The following WSCD2 variants were observed in gnomAD, a reference collection of about 807,000 sequenced individuals.
WSCD2 encodes the protein WSC domain sialate O sulfotransferase 2.
WSCD2 carries 28 observed loss-of-function variants against 55.7 expected under a neutral mutation model. The ratio of observed to expected loss-of-function variants is 0.50; its 90% CI spans 0.37 to 0.69. WSCD2 has a LOEUF of 0.69. WSCD2 is among the 30% of genes least tolerant of loss of function. The pLI, the probability that WSCD2 is intolerant of heterozygous loss-of-function variation, is 0.00. For missense variants in WSCD2, 616 were observed against 762.1 expected, an observed-to-expected ratio of 0.81 and a Z score of 2.26; for synonymous variants, 301 against 301.9, an observed-to-expected ratio of 1.00 and a Z score of 0.03.
At chr12:108,157,324 T>TA (rs1878622977) in intron 1 of WSCD2, among the ~76,000 whole-genome samples, 1 of 152,184 alleles carries the variant, frequency 6.6e-6, no homozygotes, top group African/African-American at 2.4e-5. Context: ...CCAATATTGA[T>TA]ACATTATTAT....
chr12:108,223,142 A>G (rs1051441048), intron 4 of WSCD2, among the ~76,000 whole-genome samples: 1 of 152,246 alleles, frequency 6.6e-6, no homozygotes, highest in Admixed American at 6.5e-5. Flanking sequence ...CATTTCCTCT[A>G]CTTAAGGTCA....
chr12:108,236,117 A>T (rs2137210420), intron 7 of WSCD2, among the ~76,000 whole-genome samples: 1 of 152,278 alleles, frequency 6.6e-6, no homozygotes, highest in Middle Eastern at 3.4e-3. Flanking sequence ...CTGTACAATG[A>T]GCTGATCCCC....
At chr12:108,180,050 C>CACAAAAAAAA (rs1881480125) in intron 1 of WSCD2, among the ~76,000 whole-genome samples, 1 of 116,674 alleles carries the variant, frequency 8.6e-6, no homozygotes, top group Non-Finnish European at 1.8e-5. Context: ...CTCAAAAAAA[C>CACAAAAAAAA]AAAAAAAAAA....
At chr12:108,160,010 T>C (rs1011982527) in intron 1 of WSCD2, among the ~76,000 whole-genome samples, 3 of 152,138 alleles carry the variant, frequency 2.0e-5, no homozygotes, top group Non-Finnish European at 4.4e-5. Flanking sequence ...TTAGACACGG[T>C]ATGATAGCAC....
chr12:108,154,115 G>C (rs1404528423), intron 1 of WSCD2, among the ~76,000 whole-genome samples: 2 of 152,226 alleles, frequency 1.3e-5, no homozygotes, highest in African/African-American at 4.8e-5. Context: ...TGTCCTCAGA[G>C]TGGGTAGATG....
At chr12:108,173,199 C>T (rs1880413570) in intron 1 of WSCD2, among the ~76,000 whole-genome samples, 1 of 152,176 alleles carries the variant, frequency 6.6e-6, no homozygotes, top group African/African-American at 2.4e-5. Context: ...CTAGCAAAGC[C>T]CCAGCTCATC....
intron 4 of WSCD2, among the ~76,000 whole-genome samples, chr12:108,217,685 C>T (rs1376293863): frequency 1.3e-5 from 2 of 152,176 alleles, no homozygotes; most frequent in African/African-American, 4.8e-5. Context: ...GGAATATCTT[C>T]CACCCAGGAG....
intron 2 of WSCD2, chr12:108,197,115 AC>A (rs1270226289): frequency 5.3e-5 from 8 of 152,232 alleles, no homozygotes; most frequent in Non-Finnish European, 1.2e-4. Context: ...CATAAGATTA[AC>A]ACAAATGGAC....
chr12:108,160,652 C>A (rs1235403536), intron 1 of WSCD2, among the ~76,000 whole-genome samples: 1 of 152,198 alleles, frequency 6.6e-6, no homozygotes, highest in African/African-American at 2.4e-5. Flanking sequence ...CCAGGCCCCA[C>A]CTGCAACACT....
chr12:108,232,977 T>G, intron 7 of WSCD2, 82 bp downstream of exon 7: 1 of 1,531,304 alleles, frequency 6.5e-7, no homozygotes, highest in East Asian at 2.3e-5. Flanking sequence ...GGAATACTCC[T>G]CCTTGAGTAT....
intron 7 of WSCD2, among the ~76,000 whole-genome samples, chr12:108,235,468 T>C (rs1283832219): frequency 6.6e-6 from 1 of 152,036 alleles, no homozygotes; most frequent in African/African-American, 2.4e-5. Flanking sequence ...GGGATTCCAA[T>C]GCAAAACCAG....
At chr12:108,136,266 T>C (rs1396118748) in intron 1 of WSCD2, among the ~76,000 whole-genome samples, 1 of 149,810 alleles carries the variant, frequency 6.7e-6, no homozygotes, top group Non-Finnish European at 1.5e-5. Flanking sequence ...GGGGGAAGAG[T>C]TTCTGAGTGG....
At chr12:108,206,776 G>A (rs939870626) in intron 3 of WSCD2, among the ~76,000 whole-genome samples, 12 of 152,198 alleles carry the variant, frequency 7.9e-5, no homozygotes, top group African/African-American at 2.9e-4. Context: ...GTGTGCAAGG[G>A]CTGAGAGTTG....
rs77573932 is a variant in WSCD2, at chr12:108,174,007, C to T, written c.-551-21275C>T. Among the ~76,000 whole-genome samples the T allele has an allele frequency of 7.2e-3, 1,093 of 152,106 alleles. 11 individuals carry two copies. Among genetic ancestry groups the T allele is most frequent in the African/African-American group, 0.024 (983 of 41,476 alleles). ...TTGAATGTGGGGTGTTTGCCAGGCC[C>T]CGTTATGCACTTTACAGCGTCATCT... On this transcript the variant is annotated intron_variant, in intron 1 of 8. Transcript: ENST00000547525.
intron 8 of WSCD2, among the ~76,000 whole-genome samples, chr12:108,242,974 C>G (rs766839238): frequency 3.1e-4 from 47 of 152,188 alleles, no homozygotes; most frequent in Non-Finnish European, 6.6e-4. Flanking sequence ...TCCAAGTGCC[C>G]CCTCCAAGGC....
At chr12:108,143,328 A>C (rs1187516791) in intron 1 of WSCD2, among the ~76,000 whole-genome samples, 1 of 151,982 alleles carries the variant, frequency 6.6e-6, no homozygotes, top group Admixed American at 6.5e-5. Context: ...CTGTTTGATC[A>C]GGTCAGGGTC....
intron 1 of WSCD2, among the ~76,000 whole-genome samples, chr12:108,153,890 C>T (rs972882067): frequency 1.9e-4 from 29 of 151,962 alleles, no homozygotes; most frequent in African/African-American, 6.8e-4. Flanking sequence ...AGGGGAAGAG[C>T]GTGTCTCGAG....
chr12:108,160,221 C>CT (rs974856466), intron 1 of WSCD2, among the ~76,000 whole-genome samples: 1 of 152,150 alleles, frequency 6.6e-6, no homozygotes, highest in Non-Finnish European at 1.5e-5. Flanking sequence ...TAAGGACTCA[C>CT]TTCAGAGCCT....
intron 4 of WSCD2, among the ~76,000 whole-genome samples, chr12:108,221,591 A>G (rs994145662): frequency 6.6e-6 from 1 of 152,148 alleles, no homozygotes; most frequent in Non-Finnish European, 1.5e-5. Flanking sequence ...AAGACTGTCC[A>G]GTGTTTCTTT....
Sources: allele counts gnomAD v4.1 joint callset (sites outside exome capture counted in the v4.1 genomes callset), GRCh38; gene constraint gnomAD v4.1.1; transcripts MANE v1.5; gene names NCBI Gene and HGNC (gene_info 2026-07-23, HGNC 2026-07-21).